The following LIMS2 variants were observed in gnomAD, a reference collection of about 807,000 sequenced individuals.
LIMS2 encodes the protein LIM and senescent cell antigen-like-containing domain protein 2.
A neutral mutation model predicts 45.3 loss-of-function variants in LIMS2; 30 were observed. The ratio of observed to expected loss-of-function variants is 0.66; its 90% CI spans 0.50 to 0.90. The LOEUF (loss-of-function observed/expected upper bound fraction) is 0.90. LIMS2 is among the 40% of genes least tolerant of loss of function. The pLI is 0.00. For synonymous variants in LIMS2, 173 were observed against 188.0 expected (o/e 0.92, Z 0.65); for missense variants, 485 against 468.7 (o/e 1.03, Z -0.32).
upstream of LIMS2, among the ~76,000 whole-genome samples, chr2:127,676,506 G>A (rs954830046): frequency 6.8e-6 from 1 of 147,000 alleles, no homozygotes; most frequent in Non-Finnish European, 1.5e-5. Flanking sequence ...CCGCCTCCCA[G>A]GTTCAAGCGA....
Position 127,643,075 on chromosome 2 carries a change from G to C in LIMS2, c.360-3C>G, listed in dbSNP as rs1251694856. ...TGTGGCAAGGCCGGCAGAGATGCCTGCGGGAGGCGGGGGCATTAGGGGCAG... is the reference window on the plus strand; with the variant it reads ...TGTGGCAAGGCCGGCAGAGATGCCTCCGGGAGGCGGGGGCATTAGGGGCAG... On this transcript the variant is annotated splice_polypyrimidine_tract_variant and splice_region_variant and intron_variant, in intron 4 of 9. Transcript: ENST00000355119. 2.5e-6 allele frequency: 4 copies of C among 1,569,308 alleles called. No homozygotes were observed. The African/African-American group carries it at 5.4e-5, about 21-fold the overall frequency.
Position 127,639,313 on chromosome 2 carries a change from G to A in LIMS2, c.994C>T (p.Gln332Ter). The change falls in exon 10 of 10, where the codon CAG becomes TAG. Residue 332 changes from glutamine to a stop codon, truncating the protein, a stop_gained. Transcript: ENST00000355119. LOFTEE classifies it high-confidence loss of function. ...KLSELTSRKA[Q>*]PKATDLNSA ...GAGTTGAGGTCTGTGGCCTTGGGCT[G>A]GGCCTTGCGGGAGGTCAGCTCCGAC... The A allele has an allele frequency of 3.7e-6, 6 of 1,613,892 alleles. No homozygotes were observed. Among genetic ancestry groups the A allele is most frequent in the Non-Finnish European group, 5.1e-6 (6 of 1,179,916 alleles).
At chr2:127,673,812 G>A (rs1247634016) in intron 1 of LIMS2, 7 of 1,416,706 alleles carry the variant, frequency 4.9e-6, no homozygotes, top group East Asian at 2.5e-5. Context: ...AGGCAGCCCC[G>A]CTAGAACCCT....
rs553522441 is a variant in LIMS2, at chr2:127,681,322, C to T, written c.-7G>A. The stretch of plus-strand genomic sequence containing the variant: ...TGTGCCCATCACAGAGTCTTTACCT[C>T]TGTGGCTGAGATGCCGCTCCGCCTC... On this transcript the variant is annotated splice_region_variant and 5_prime_UTR_variant, in exon 1 of 10. Coordinates refer to the LIMS2 transcript ENST00000410011. 2.0e-5 allele frequency: 3 copies of T among 152,534 alleles called. No individual in the cohort carries two copies. The East Asian group carries it at 5.8e-4, about 29-fold the overall frequency. The allele number at this position is 152,534 out of a possible 1,614,324, so 9.4% of individuals were successfully genotyped here.
chr2:127,666,438 C>T (rs1224138361), intron 1 of LIMS2, among the ~76,000 whole-genome samples: 1 of 136,816 alleles, frequency 7.3e-6, no homozygotes, highest in Non-Finnish European at 1.6e-5. Context: ...TATCCTAGTC[C>T]CTTATTCCTG....
In LIMS2 at chr2:127,648,892, C is replaced by T. The variant is rs563154308; in HGVS notation, c.359+5532G>A. Among the ~76,000 whole-genome samples, 3 of 145,864 alleles carry T rather than the reference C, an allele frequency of 2.1e-5. No individual in the cohort carries two copies. The East Asian group carries it at 6.2e-4, about 30-fold the overall frequency. ...GCTGATTGCACCACTGCACTCCAGC[C>T]TGGGTGACAGAGGGAGACCTTGAAA... is the stretch of plus-strand genomic sequence containing the variant. On this transcript the variant is annotated intron_variant, in intron 4 of 9. Transcript: ENST00000355119.
upstream of LIMS2, among the ~76,000 whole-genome samples, chr2:127,679,187 G>C (rs557856284): frequency 6.6e-6 from 1 of 152,280 alleles, no homozygotes; most frequent in Non-Finnish European, 1.5e-5. The surrounding 1 kb of genome is among the most constrained non-coding windows in gnomAD (Gnocchi z 5.3). Context: ...CAGAGGGGCA[G>C]GCAGGGCCCC....
At chr2:127,680,490 A>G (rs1685592168), upstream of LIMS2, among the ~76,000 whole-genome samples, 1 of 152,182 alleles carries the variant, frequency 6.6e-6, no homozygotes, top group African/African-American at 2.4e-5. Context: ...AAATAAAAAT[A>G]TGAGCCTGCC....
chr2:127,640,713 T>C (rs1682318410), intron 7 of LIMS2, 183 bp downstream of exon 7: 2 of 617,866 alleles, frequency 3.2e-6, no homozygotes, highest in East Asian at 5.4e-5. Context: ...AGGAAGACAC[T>C]GAGACTGAAG....
At chr2:127,657,285 G>A (rs192011066) in intron 2 of LIMS2, 118 bp downstream of exon 2, 2 of 1,207,830 alleles carry the variant, frequency 1.7e-6, no homozygotes, top group African/African-American at 1.5e-5. Context: ...CCTGGTTCTG[G>A]GCTGGCTCCA....
chr2:127,649,939 G>A (rs1683541878), intron 4 of LIMS2: 3 of 1,298,648 alleles, frequency 2.3e-6, no homozygotes, highest in African/African-American at 2.9e-5. Flanking sequence ...TACTCTGGGA[G>A]AGAAAATACT....
chr2:127,670,863 G>C (rs1415425971), intron 1 of LIMS2, among the ~76,000 whole-genome samples: 4 of 152,234 alleles, frequency 2.6e-5, no homozygotes, highest in Non-Finnish European at 4.4e-5. Flanking sequence ...GGAGGCTGAA[G>C]ACAACTCCAT....
intron 1 of LIMS2, among the ~76,000 whole-genome samples, chr2:127,661,932 C>T (rs541282989): frequency 3.9e-4 from 60 of 152,326 alleles, no homozygotes; most frequent in African/African-American, 1.4e-3. Context: ...GATTCTGTTT[C>T]TTCAACAACC....
chr2:127,651,177 G>A (rs754384501), intron 4 of LIMS2: 100 of 1,611,998 alleles, frequency 6.2e-5, no homozygotes, highest in South Asian at 1.3e-4. Context: ...GCCCCTCTAC[G>A]CACACCTGGC....
intron 3 of LIMS2, 77 bp downstream of exon 3, chr2:127,654,752 AC>A: frequency 6.6e-7 from 1 of 1,517,514 alleles, no homozygotes; most frequent in Non-Finnish European, 9.1e-7. Flanking sequence ...AGTTCTGTGT[AC>A]CCCCTCGGCC....
intron 1 of LIMS2, among the ~76,000 whole-genome samples, chr2:127,669,037 G>A (rs980783175): frequency 5.9e-5 from 9 of 152,124 alleles, no homozygotes; most frequent in Non-Finnish European, 1.2e-4. Context: ...AGACTGCAAT[G>A]TACCAAGATC....
intron 4 of LIMS2, chr2:127,643,370 A>G: frequency 1.9e-6 from 1 of 515,914 alleles, no homozygotes; most frequent in Admixed American, 2.3e-5. Context: ...TGCAGAATAC[A>G]GTAGACATTT....
intron 9 of LIMS2, among the ~76,000 whole-genome samples, chr2:127,639,844 G>A (rs1036517405): frequency 3.9e-5 from 6 of 152,120 alleles, no homozygotes; most frequent in African/African-American, 1.4e-4. Flanking sequence ...TTGGAGGCAT[G>A]AGTGTTCCTC....
At chr2:127,675,790 C>T (rs1180936473), upstream of LIMS2, among the ~76,000 whole-genome samples, 1 of 152,238 alleles carries the variant, frequency 6.6e-6, no homozygotes, top group Non-Finnish European at 1.5e-5. Flanking sequence ...CCCGGGACCG[C>T]CGAGTCCACG....
Sources: gnomAD v4.1 joint callset for allele counts (sites outside exome capture counted in the v4.1 genomes callset) on GRCh38, gnomAD v4.1.1 for gene constraint, Gnocchi (gnomAD v3.1) non-coding constraint, MANE v1.5 for transcripts, NCBI Gene and HGNC (gene_info 2026-07-23, HGNC 2026-07-21) for gene names.